The following RXRA variants were observed in gnomAD, a reference collection of about 807,000 sequenced individuals.
The protein encoded by RXRA is retinoid X receptor alpha, also known as retinoic acid receptor RXR-alpha.
In RXRA, 5 loss-of-function variants were observed where a neutral mutation model predicts 44.5. The ratio of observed to expected loss-of-function variants is 0.11; its 90% CI spans 0.06 to 0.24. RXRA has a LOEUF of 0.24. RXRA is among the 10% of genes least tolerant of loss of function. RXRA has a pLI of 1.00. For synonymous variants in RXRA, 291 were observed against 271.4 expected (o/e 1.07, Z -0.71); for missense variants, 412 against 646.5 (o/e 0.64, Z 3.93).
At chr9:134,398,271 T>C (rs10745392) in intron 1 of RXRA, among the ~76,000 whole-genome samples, 129,942 of 152,220 alleles carry the variant, frequency 0.85, 55,815 homozygotes, top group African/African-American at 0.95. Context: ...TGAGCCACCC[T>C]GCCCGGCCCC....
At chr9:134,360,287 C>G (rs545002161) in intron 1 of RXRA, among the ~76,000 whole-genome samples, 1 of 152,318 alleles carries the variant, frequency 6.6e-6, no homozygotes, top group African/African-American at 2.4e-5. Flanking sequence ...AGGCTGCGGA[C>G]TGGCCTGTCG....
intron 8 of RXRA, among the ~76,000 whole-genome samples, chr9:134,432,459 C>G (rs1008551450): frequency 2.0e-5 from 3 of 152,186 alleles, no homozygotes; most frequent in Non-Finnish European, 4.4e-5. Flanking sequence ...TGGGGCTGGG[C>G]CCCTGTGGTT....
chr9:134,335,562 C>G (rs782531611), intron 1 of RXRA, among the ~76,000 whole-genome samples: 4 of 152,182 alleles, frequency 2.6e-5, no homozygotes, highest in Non-Finnish European at 5.9e-5. Context: ...CCCTTGCTGG[C>G]TGGCTTCCAG....
At chr9:134,427,359 C>T (rs1212230039) in intron 6 of RXRA, among the ~76,000 whole-genome samples, 1 of 152,128 alleles carries the variant, frequency 6.6e-6, no homozygotes, top group South Asian at 2.1e-4. Context: ...TGCCTGCTGC[C>T]ACCTGGCAGG....
chr9:134,327,018 C>T (rs1195593613), intron 1 of RXRA, among the ~76,000 whole-genome samples: 3 of 151,818 alleles, frequency 2.0e-5, no homozygotes, highest in African/African-American at 7.2e-5. Flanking sequence ...GCAACTTCTG[C>T]GCTCCGCGGC....
At position 134,365,420 on chromosome 9, in the gene RXRA, G is replaced by A. The variant is rs561625213; in HGVS notation, c.29-36212G>A. Among the ~76,000 whole-genome samples, 2 of 152,310 alleles carry A rather than the reference G, an allele frequency of 1.3e-5. No individual in the cohort carries two copies. The highest frequency in any genetic ancestry group is 3.9e-4 in the East Asian group (2 of 5,174). ...AGGTGGGATTTGGCGGGTAACGCTC[G>A]TGGTGTGTCCTGGTGTGAGACCCGG... On this transcript the variant is annotated intron_variant, in intron 1 of 9. Coordinates refer to ENST00000481739, the MANE Select transcript of RXRA (RefSeq NM_002957.6). This position sits in a 1 kb window ranked among gnomAD's most constrained non-coding sequence, Gnocchi z 4.0.
At chr9:134,368,367 C>G (rs773535828) in intron 1 of RXRA, among the ~76,000 whole-genome samples, 132 of 152,368 alleles carry the variant, frequency 8.7e-4, no homozygotes, top group Non-Finnish European at 1.6e-3. Flanking sequence ...GCCACCCACT[C>G]CCCTGGGGCT....
At chr9:134,389,062 A>G (rs920013413) in intron 1 of RXRA, among the ~76,000 whole-genome samples, 3 of 152,130 alleles carry the variant, frequency 2.0e-5, no homozygotes, top group African/African-American at 4.8e-5. Flanking sequence ...CTGGTCCTCC[A>G]AGGAGGGGTT....
rs563667055 is a variant in RXRA at position 134,349,113 on chromosome 9, C to T, written c.28+22454C>T. Among the ~76,000 whole-genome samples, 65 of 152,328 alleles carry T rather than the reference C, an allele frequency of 4.3e-4. No homozygotes were observed. The highest frequency in any genetic ancestry group is 1.5e-3 in the African/African-American group (64 of 41,568). Reference sequence around the variant, plus strand: ...GGAGGGGACTTGTGCTGTCCCTGAACTCACCGAGGGCCAGGAGGGGTCCTG... The same window carrying T: ...GGAGGGGACTTGTGCTGTCCCTGAATTCACCGAGGGCCAGGAGGGGTCCTG... On this transcript the variant is annotated intron_variant, in intron 1 of 9. Transcript: ENST00000481739. This position sits in a 1 kb window ranked among gnomAD's most constrained non-coding sequence, Gnocchi z 4.3.
rs906697003 is a variant in RXRA, at chr9:134,342,520, G to A, written c.28+15861G>A. 6.6e-6 allele frequency among the ~76,000 whole-genome samples: 1 copy of A among 152,206 alleles called. No individual in the cohort carries two copies. The highest frequency in any genetic ancestry group is 6.5e-5 in the Admixed American group (1 of 15,288). On this transcript the variant is annotated intron_variant, in intron 1 of 9. Transcript: ENST00000481739. This position sits in a 1 kb window ranked among gnomAD's most constrained non-coding sequence, Gnocchi z 4.4. ...TTGCACTTGGGATGGCGTGCTGTGC[G>A]CCCTCTTCCTGCCATCAGCGGGGGG...
intron 1 of RXRA, among the ~76,000 whole-genome samples, chr9:134,339,332 T>C (rs1564260164): frequency 6.6e-6 from 1 of 152,222 alleles, no homozygotes; most frequent in East Asian, 1.9e-4. Flanking sequence ...CGTGAGCCTG[T>C]GTGGGCTTAT....
intron 6 of RXRA, among the ~76,000 whole-genome samples, chr9:134,428,311 A>ACAGT (rs1411093339): frequency 1.6e-5 from 2 of 125,472 alleles, no homozygotes; most frequent in Admixed American, 1.8e-4. Flanking sequence ...CTGTTACCTA[A>ACAGT]CTGTCCCCCA....
At chr9:134,379,483 G>A (rs1652728082) in intron 1 of RXRA, 7 of 986,716 alleles carry the variant, frequency 7.1e-6, no homozygotes, top group Non-Finnish European at 8.4e-6. Flanking sequence ...CCCCAGGACC[G>A]AGTCGCTGCC....
chr9:134,411,401 A>C (rs34873502), intron 4 of RXRA, among the ~76,000 whole-genome samples: 62 of 152,272 alleles, frequency 4.1e-4, no homozygotes, highest in African/African-American at 1.4e-3. Context: ...GGAGCAGCTC[A>C]TGTGGGGGAC....
chr9:134,340,496 G>A (rs965076558), intron 1 of RXRA, among the ~76,000 whole-genome samples: 1 of 152,176 alleles, frequency 6.6e-6, no homozygotes, highest in East Asian at 1.9e-4. Flanking sequence ...GAAGCAGTAT[G>A]TTTTGGTCTA....
rs782798785 is a variant in RXRA at position 134,336,778 on chromosome 9, G to A, written c.28+10119G>A. ...TGTGGTCAGCCAACTGATCCCCTCC[G>A]CCCCTCAGGTTCAGAAATGTGACGG... On this transcript the variant is annotated intron_variant, in intron 1 of 9. Coordinates refer to ENST00000481739, the MANE Select transcript of RXRA (RefSeq NM_002957.6). Among the ~76,000 whole-genome samples the A allele has an allele frequency of 9.9e-5, 15 of 152,194 alleles. 1 individual carries two copies. Among genetic ancestry groups the A allele is most frequent in the Admixed American group, 5.2e-4 (8 of 15,286 alleles).
At chr9:134,368,576 G>A (rs550075141) in intron 1 of RXRA, among the ~76,000 whole-genome samples, 2 of 151,928 alleles carry the variant, frequency 1.3e-5, no homozygotes, top group South Asian at 2.1e-4. Flanking sequence ...GTATGTATAG[G>A]TATGTGTGAC....
At chr9:134,427,859 T>C (rs956727803) in intron 6 of RXRA, among the ~76,000 whole-genome samples, 2 of 152,226 alleles carry the variant, frequency 1.3e-5, no homozygotes, top group African/African-American at 2.4e-5. Flanking sequence ...TTAATGACAG[T>C]GTCGGCCATA....
chr9:134,407,875 TGGG>T lies in RXRA; in HGVS notation c.280-268_280-266del, dbSNP rs970469721. Among the ~76,000 whole-genome samples the T allele has an allele frequency of 6.6e-6, 1 of 151,042 alleles. No homozygotes were observed. The highest frequency in any genetic ancestry group is 2.4e-5 in the African/African-American group (1 of 41,112). On this transcript the variant is annotated intron_variant, in intron 2 of 9. Coordinates refer to ENST00000481739, the MANE Select transcript of RXRA (RefSeq NM_002957.6). The surrounding 1 kb of genome is among the most constrained non-coding windows in gnomAD (Gnocchi z 4.8). ...TTGCAAGCAGGGACCGCCCATGTGT[TGGG>T]GGGGGTGTTGAAGGTCCTTTTCCAC...
Sources: gnomAD v4.1 joint callset for allele counts (sites outside exome capture counted in the v4.1 genomes callset) on GRCh38, gnomAD v4.1.1 for gene constraint, Gnocchi (gnomAD v3.1) non-coding constraint, MANE v1.5 for transcripts, NCBI Gene and HGNC (gene_info 2026-07-23, HGNC 2026-07-21) for gene names.